The following RABGAP1L variants were observed in gnomAD, a reference collection of about 807,000 sequenced individuals.
The protein encoded by RABGAP1L is rab GTPase-activating protein 1-like.
A neutral mutation model predicts 137.7 loss-of-function variants in RABGAP1L; 63 were observed. That is an observed-to-expected ratio of 0.46 (90% CI 0.37 to 0.56). RABGAP1L has a LOEUF of 0.56. Ranked by LOEUF, RABGAP1L falls within the 20% of genes least tolerant of loss-of-function variation. The pLI is 0.00. For synonymous variants in RABGAP1L, 431 were observed against 433.7 expected, an observed-to-expected ratio of 0.99 and a Z score of 0.08; for missense variants, 1,095 against 1,244.0, an observed-to-expected ratio of 0.88 and a Z score of 1.80.
intron 21 of RABGAP1L, among the ~76,000 whole-genome samples, chr1:174,972,249 G>A (rs1245278543): frequency 2.0e-5 from 3 of 152,222 alleles, no homozygotes; most frequent in Non-Finnish European, 4.4e-5. Flanking sequence ...ACCATAGCAA[G>A]TTCTGTTAGA....
Position 174,269,607 on chromosome 1 carries a change from A to G in RABGAP1L, c.987-2807A>G, listed in dbSNP as rs184854385. 3.2e-4 allele frequency among the ~76,000 whole-genome samples: 44 copies of G among 139,202 alleles called. No individual in the cohort carries two copies. The East Asian group carries it at 7.9e-3, about 25-fold the overall frequency. 91.3% of individuals were successfully genotyped at this position (139,202 alleles called of 152,430 possible). A position where few individuals can be genotyped will look rare whatever the true frequency, so the allele number is the denominator to read the frequency against. ...AAAGTTAAGACATTCAATAAACAAT[A>G]TCTATTATTATGATAATAATTGATA... On this transcript the variant is annotated intron_variant, in intron 7 of 25. Transcript: ENST00000681986.
At chr1:174,279,020 C>T (rs1304841224) in intron 10 of RABGAP1L, among the ~76,000 whole-genome samples, 3 of 152,094 alleles carry the variant, frequency 2.0e-5, no homozygotes, top group African/African-American at 7.2e-5. Flanking sequence ...ATGTATGAAC[C>T]TTCTTAACAG....
intron 11 of RABGAP1L, among the ~76,000 whole-genome samples, chr1:174,359,421 C>T (rs1430363461): frequency 2.6e-5 from 4 of 152,180 alleles, no homozygotes; most frequent in Admixed American, 1.3e-4. Flanking sequence ...AGATCTGGGT[C>T]ATACGCTTGA....
intron 10 of RABGAP1L, among the ~76,000 whole-genome samples, chr1:174,301,583 G>A (rs898373800): frequency 2.6e-5 from 4 of 151,818 alleles, no homozygotes; most frequent in African/African-American, 7.3e-5. Flanking sequence ...ATAGGATCAC[G>A]CTGAGAATTG....
At chr1:174,709,625 G>A (rs1399120366) in intron 17 of RABGAP1L, among the ~76,000 whole-genome samples, 1 of 152,146 alleles carries the variant, frequency 6.6e-6, no homozygotes, top group Non-Finnish European at 1.5e-5. Context: ...GAAAGCAATA[G>A]TATCAACATC....
chr1:174,922,338 C>A, intron 19 of RABGAP1L: 1 of 196,822 alleles, frequency 5.1e-6, no homozygotes, highest in Admixed American at 4.7e-5. Flanking sequence ...CTTAAAATGG[C>A]CTTGTCCTTG....
At chr1:174,962,153 C>T (rs546030778) in intron 20 of RABGAP1L, among the ~76,000 whole-genome samples, 72 of 148,352 alleles carry the variant, frequency 4.9e-4, no homozygotes, top group Non-Finnish European at 8.6e-4. Flanking sequence ...CCAGCCTGGG[C>T]GACAGAGTGA....
chr1:174,962,170 G>A (rs1475279933), intron 20 of RABGAP1L, among the ~76,000 whole-genome samples: 9 of 136,514 alleles, frequency 6.6e-5, no homozygotes, highest in African/African-American at 1.5e-4. Context: ...GTGAGACTCC[G>A]TCTCAAAAAA....
At chr1:174,760,375 T>G (rs1685123669) in intron 18 of RABGAP1L, among the ~76,000 whole-genome samples, 1 of 152,202 alleles carries the variant, frequency 6.6e-6, no homozygotes, top group South Asian at 2.1e-4. Flanking sequence ...CCCTTCTTTG[T>G]GTCCACGTGT....
intron 19 of RABGAP1L, among the ~76,000 whole-genome samples, chr1:174,869,518 A>G (rs1468758030): frequency 8.5e-5 from 13 of 152,122 alleles, no homozygotes; most frequent in Non-Finnish European, 1.6e-4. Flanking sequence ...AGCCATGTAG[A>G]ACTGTGAGTC....
At chr1:174,560,316 T>C (rs1272529888) in intron 13 of RABGAP1L, among the ~76,000 whole-genome samples, 1 of 152,134 alleles carries the variant, frequency 6.6e-6, no homozygotes, top group Non-Finnish European at 1.5e-5. Flanking sequence ...GTAGTATTCA[T>C]GGTAGTCCCA....
chr1:174,975,730 A>C (rs973310730), intron 21 of RABGAP1L, among the ~76,000 whole-genome samples: 1 of 152,214 alleles, frequency 6.6e-6, no homozygotes, highest in Non-Finnish European at 1.5e-5. Flanking sequence ...AATCTGTAAG[A>C]AGCATTTAGA....
intron 13 of RABGAP1L, among the ~76,000 whole-genome samples, chr1:174,589,840 C>T (rs985845106): frequency 4.6e-5 from 7 of 152,060 alleles, no homozygotes; most frequent in African/African-American, 7.2e-5. Flanking sequence ...ATGCCAGTCC[C>T]GTGCTGTTTT....
rs565465265 is a variant in RABGAP1L at position 174,369,170 on chromosome 1, C to CT, written c.1466-1808dup. On this transcript the variant is annotated intron_variant, in intron 11 of 25. Coordinates refer to ENST00000681986, the MANE Select transcript of RABGAP1L (RefSeq NM_001366446.1). ...TCAGTCCTTGTTTGCGTGACATAGT[C>CT]TAAGTTTAACCTGTCTTCCAGAATA... Among the ~76,000 whole-genome samples the CT allele has an allele frequency of 2.2e-4, 34 of 152,152 alleles. 2 individuals carry two copies. In the East Asian group the frequency reaches 6.2e-3, roughly 28 times the overall value.
At chr1:174,378,169 T>G (rs1208926111) in intron 12 of RABGAP1L, among the ~76,000 whole-genome samples, 1 of 148,172 alleles carries the variant, frequency 6.7e-6, no homozygotes, top group African/African-American at 2.5e-5. Context: ...CCACATTTTC[T>G]TAATCCAGTC....
At chr1:174,814,336 G>A (rs938904192) in intron 19 of RABGAP1L, among the ~76,000 whole-genome samples, 1 of 152,058 alleles carries the variant, frequency 6.6e-6, no homozygotes, top group African/African-American at 2.4e-5. Context: ...ATAGTTTTTT[G>A]TGGGGTTTTC....
chr1:174,246,276 T>G (rs954006170), intron 5 of RABGAP1L: 4 of 152,216 alleles, frequency 2.6e-5, no homozygotes, highest in African/African-American at 4.8e-5. Context: ...TGTTTAGTAT[T>G]TTCTATAGAT....
chr1:174,276,029 A>G (rs79541853), intron 9 of RABGAP1L, 94 bp downstream of exon 9: 1 of 849,746 alleles, frequency 1.2e-6, no homozygotes, highest in Non-Finnish European at 1.8e-6. Flanking sequence ...TTGGAACTCA[A>G]AGTGGACTTA....
At chr1:174,176,741 A>AAAAT (rs1553248318) in intron 1 of RABGAP1L, among the ~76,000 whole-genome samples, 2 of 111,778 alleles carry the variant, frequency 1.8e-5, no homozygotes, top group Non-Finnish European at 3.6e-5. Flanking sequence ...AAAAAAAAAA[A>AAAAT]AAAAAGGTCA....
Sources: allele counts gnomAD v4.1 joint callset (sites outside exome capture counted in the v4.1 genomes callset), GRCh38; gene constraint gnomAD v4.1.1; transcripts MANE v1.5; gene names NCBI Gene and HGNC (gene_info 2026-07-23, HGNC 2026-07-21).